Variants in MID1 observed in about 807,000 individuals in gnomAD.
MID1 encodes midline 1.
Under a neutral mutation model 40.4 loss-of-function variants are expected in MID1, and 7 were observed. The ratio of observed to expected loss-of-function variants is 0.17; its 90% CI spans 0.10 to 0.33. MID1 has a LOEUF of 0.33. Ranked by LOEUF, MID1 falls within the 10% of genes least tolerant of loss-of-function variation. The probability of loss-of-function intolerance (pLI) is 1.00; values close to 1 mark genes in which losing one functional copy is unlikely to be tolerated. For synonymous variants in MID1, 229 were observed against 221.2 expected (o/e 1.04, Z -0.31); for missense variants, 367 against 558.5 (o/e 0.66, Z 3.46).
intron 1 of MID1, among the ~76,000 whole-genome samples, chrX:10,586,206 T>C (rs1264935499): frequency 8.9e-6 from 1 of 111,947 alleles, no homozygotes; most frequent in African/African-American, 3.3e-5. Flanking sequence ...TTGATGTATA[T>C]ACTGGGAACA....
At chrX:10,592,611 CTCTT>C (rs1935330962) in intron 1 of MID1, among the ~76,000 whole-genome samples, 1 of 110,643 alleles carries the variant, frequency 9.0e-6, no homozygotes, top group African/African-American at 3.3e-5. Flanking sequence ...CCAAGGCAAG[CTCTT>C]TCTTTTTCAT....
chrX:10,624,301 G>T (rs900901863), upstream of MID1, among the ~76,000 whole-genome samples: 1 of 111,927 alleles, frequency 8.9e-6, no homozygotes, highest in Non-Finnish European at 1.9e-5. Flanking sequence ...GCTATTGCTT[G>T]TTGTGTAAAT....
At chrX:10,807,924 G>A (rs2044059322) in intron 1 of MID1, among the ~76,000 whole-genome samples, 1 of 112,374 alleles carries the variant, frequency 8.9e-6, no homozygotes, top group Non-Finnish European at 1.9e-5. Flanking sequence ...TCCTAGGATA[G>A]GGGAGGCCAG....
chrX:10,646,741 A>G (rs1936266164), intron 1 of MID1, among the ~76,000 whole-genome samples: 1 of 111,875 alleles, frequency 8.9e-6, no homozygotes, highest in African/African-American at 3.3e-5. Context: ...AAATAAGTTA[A>G]GTAATCTTTT....
intron 1 of MID1, among the ~76,000 whole-genome samples, chrX:10,703,192 G>C (rs1191780234): frequency 8.9e-6 from 1 of 112,062 alleles, no homozygotes; most frequent in African/African-American, 3.2e-5. Flanking sequence ...AGTGTGCCAA[G>C]ATTCAAGAAG....
intron 2 of MID1, among the ~76,000 whole-genome samples, 193 bp from the exon 3 acceptor site, chrX:10,523,380 C>T (rs769626671): frequency 1.8e-5 from 2 of 111,824 alleles, no homozygotes; most frequent in African/African-American, 6.5e-5. Context: ...CTTTTAGACA[C>T]GCTCAGACTT....
At chrX:10,481,443 T>A (rs1270353280) in intron 5 of MID1, among the ~76,000 whole-genome samples, 1 of 111,834 alleles carries the variant, frequency 8.9e-6, no homozygotes, top group Non-Finnish European at 1.9e-5. Context: ...TTTTTTCATT[T>A]ATTTATTTTT....
intron 1 of MID1, among the ~76,000 whole-genome samples, chrX:10,730,905 T>C (rs1016909443): frequency 1.7e-4 from 19 of 111,488 alleles, no homozygotes; most frequent in African/African-American, 6.2e-4. Context: ...AAATCACATC[T>C]TATTGGAAAT....
intron 1 of MID1, among the ~76,000 whole-genome samples, chrX:10,590,560 G>C (rs1302695159): frequency 9.0e-6 from 1 of 111,450 alleles, no homozygotes; most frequent in African/African-American, 3.3e-5. Context: ...TAAAAGCCAA[G>C]ATTTAAACTG....
At chrX:10,501,932 T>C (rs2147331502) in intron 3 of MID1, among the ~76,000 whole-genome samples, 1 of 112,395 alleles carries the variant, frequency 8.9e-6, no homozygotes. Context: ...AAATATTTTT[T>C]CCTTGTCATA....
At chrX:10,566,804 C>T in intron 2 of MID1, 84 bp downstream of exon 2, 1 of 1,031,422 alleles carries the variant, frequency 9.7e-7, no homozygotes, top group Non-Finnish European at 1.4e-6. Context: ...CCTTCACCTG[C>T]CATGTAGCTA....
At chrX:10,582,674 T>C (rs974699128) in intron 1 of MID1, 34 of 111,974 alleles carry the variant, frequency 3.0e-4, no homozygotes, top group African/African-American at 1.0e-3. Flanking sequence ...ACAAGGAAAA[T>C]TGGCAGAAAG....
intron 1 of MID1, among the ~76,000 whole-genome samples, chrX:10,671,684 A>G (rs1363526904): frequency 9.0e-6 from 1 of 110,661 alleles, no homozygotes; most frequent in Non-Finnish European, 1.9e-5. Flanking sequence ...CTGCCAATGC[A>G]CTGTCCTTAG....
chrX:10,519,907 C>G (rs1292145685), intron 3 of MID1, among the ~76,000 whole-genome samples: 1 of 112,178 alleles, frequency 8.9e-6, no homozygotes, highest in Non-Finnish European at 1.9e-5. Flanking sequence ...AGTAAAAGCA[C>G]AGACTTTACA....
intron 2 of MID1, among the ~76,000 whole-genome samples, chrX:10,528,849 A>G (rs1315202272): frequency 8.9e-6 from 1 of 112,396 alleles, no homozygotes; most frequent in Non-Finnish European, 1.9e-5. Flanking sequence ...ATGGGCAGAA[A>G]GCTTAGCTTG....
In MID1 at chrX:10,447,658, T is replaced by G. The variant is rs1443728869; in HGVS notation, c.*1710A>C. 1 of 111,538 alleles carries G rather than the reference T, an allele frequency of 9.0e-6. No individual in the cohort carries two copies. The allele number at this position is 111,538 out of a possible 1,213,427, so 9.2% of individuals were successfully genotyped here. Reference sequence around the variant, plus strand: ...ATTCATCTGGGTATAAATAATATAGTAAATATATAGAATCTATCTGTTAAG... The same window carrying G: ...ATTCATCTGGGTATAAATAATATAGGAAATATATAGAATCTATCTGTTAAG... On this transcript the variant is annotated 3_prime_UTR_variant, in exon 10 of 10. Coordinates refer to ENST00000317552, the MANE Select transcript of MID1 (RefSeq NM_000381.4).
chrX:10,677,150 T>C (rs745482110), intron 1 of MID1, among the ~76,000 whole-genome samples: 18 of 112,042 alleles, frequency 1.6e-4, no homozygotes, highest in South Asian at 1.1e-3. Context: ...GAATATCATA[T>C]ATGAAAAAGT....
rs1392204953 is a variant in MID1, at chrX:10,447,566, G to C, written c.*1802C>G. 1 of 111,978 alleles carries C rather than the reference G, an allele frequency of 8.9e-6. No homozygotes were observed. Among genetic ancestry groups the C allele is most frequent in the Non-Finnish European group, 1.9e-5 (1 of 53,200 alleles). 9.2% of individuals were successfully genotyped at this position (111,978 alleles called of 1,213,427 possible). The stretch of plus-strand genomic sequence containing the variant: ...AAAACCTATAAGGTTTCCAGAGAAA[G>C]ATTGTTTTTTTTCCATTGAGGCGTC... On this transcript the variant is annotated 3_prime_UTR_variant, in exon 10 of 10. Transcript: ENST00000317552.
intron 6 of MID1, 101 bp from the exon 7 acceptor site, chrX:10,469,941 C>T: frequency 1.3e-6 from 1 of 751,503 alleles, no homozygotes; most frequent in Non-Finnish European, 2.0e-6. Flanking sequence ...CTCAATAGGT[C>T]CATCAGGACT....
Sources: allele counts gnomAD v4.1 joint callset (sites outside exome capture counted in the v4.1 genomes callset), GRCh38; gene constraint gnomAD v4.1.1; transcripts MANE v1.5; gene names NCBI Gene and HGNC (gene_info 2026-07-23, HGNC 2026-07-21).